The following HORMAD2 variants were observed in gnomAD, a reference collection of about 807,000 sequenced individuals.
HORMAD2 encodes HORMA domain containing 2.
Under a neutral mutation model 38.8 loss-of-function variants are expected in HORMAD2, and 45 were observed. The ratio of observed to expected loss-of-function variants is 1.16; its 90% CI spans 0.91 to 1.49. The LOEUF (loss-of-function observed/expected upper bound fraction) is 1.49. HORMAD2 is among the 40% of genes most tolerant of loss of function. HORMAD2 has a pLI of 0.00. For synonymous variants in HORMAD2, 126 were observed against 122.8 expected, an observed-to-expected ratio of 1.03 and a Z score of -0.17; for missense variants, 338 against 367.0, an observed-to-expected ratio of 0.92 and a Z score of 0.65.
downstream of HORMAD2, among the ~76,000 whole-genome samples, chr22:30,179,464 G>A (rs192109026): frequency 5.1e-4 from 77 of 152,302 alleles, no homozygotes; most frequent in Non-Finnish European, 9.1e-4. Flanking sequence ...AGAGAAGGAG[G>A]ACACCCTTGT....
the HORMAD2 span, among the ~76,000 whole-genome samples, chr22:30,183,710 A>G: frequency 6.6e-6 from 1 of 152,236 alleles, no homozygotes; most frequent in African/African-American, 2.4e-5. Context: ...ATGTAAAAAT[A>G]ATATAAGAAA....
intron 10 of HORMAD2, among the ~76,000 whole-genome samples, chr22:30,151,267 C>A (rs1021753557): frequency 2.6e-5 from 4 of 152,116 alleles, no homozygotes; most frequent in Non-Finnish European, 5.9e-5. Context: ...AAAGAAATGT[C>A]TTTTCCTGTC....
intron 4 of HORMAD2, 87 bp downstream of exon 4, chr22:30,103,587 T>G (rs1424820338): frequency 1.6e-6 from 1 of 615,728 alleles, no homozygotes; most frequent in African/African-American, 2.0e-5. Flanking sequence ...AGTAAGATCA[T>G]TTTTTAAAAA....
intron 10 of HORMAD2, among the ~76,000 whole-genome samples, chr22:30,163,325 A>G (rs1357042561): frequency 6.6e-6 from 1 of 152,160 alleles, no homozygotes; most frequent in Non-Finnish European, 1.5e-5. Context: ...GAAGTTTTTG[A>G]TTATCTGGAT....
intron 6 of HORMAD2, 86 bp downstream of exon 6, chr22:30,111,902 T>G (rs908792662): frequency 1.0e-6 from 1 of 972,586 alleles, no homozygotes; most frequent in Non-Finnish European, 1.5e-6. Context: ...GTACTCTCCC[T>G]CTTCCTCCCT....
intron 1 of HORMAD2, among the ~76,000 whole-genome samples, chr22:30,088,309 A>T (rs566707463): frequency 6.6e-6 from 1 of 151,110 alleles, no homozygotes; most frequent in Admixed American, 6.6e-5. Context: ...ACATATATAC[A>T]TATATGTATA....
At chr22:30,120,545 T>C (rs1922356353) in intron 8 of HORMAD2, among the ~76,000 whole-genome samples, 2 of 152,202 alleles carry the variant, frequency 1.3e-5, no homozygotes, top group African/African-American at 4.8e-5. Flanking sequence ...ACTACTCAAA[T>C]GTGAGACTAA....
intron 10 of HORMAD2, chr22:30,137,551 CAG>C (rs111713094): frequency 6.5e-6 from 1 of 152,676 alleles, no homozygotes; most frequent in Non-Finnish European, 1.5e-5. Context: ...AAGGAAGAGA[CAG>C]AGAGAAATAA....
chr22:30,115,142 TAA>T (rs1326850844), intron 7 of HORMAD2, among the ~76,000 whole-genome samples: 3 of 152,150 alleles, frequency 2.0e-5, no homozygotes, highest in Non-Finnish European at 4.4e-5. Context: ...TTTATTTTTT[TAA>T]GAGACAGGCT....
At chr22:30,108,140 G>T (rs892869465) in intron 5 of HORMAD2, among the ~76,000 whole-genome samples, 1 of 152,040 alleles carries the variant, frequency 6.6e-6, no homozygotes, top group Admixed American at 6.5e-5. Flanking sequence ...GTACATATCA[G>T]TGTTGCAGAT....
chr22:30,122,265 T>C (rs544508760), intron 10 of HORMAD2, 51 bp downstream of exon 10: 3 of 1,530,202 alleles, frequency 2.0e-6, no homozygotes, highest in Non-Finnish European at 2.6e-6. Flanking sequence ...ACACAATTGA[T>C]ATTTTTCAGT....
At position 30,175,144 on chromosome 22, in the gene HORMAD2, G is replaced by A. The variant is rs1023228847; in HGVS notation, c.820-919G>A. On this transcript the variant is annotated intron_variant, in intron 10 of 10. Coordinates refer to ENST00000336726, the MANE Select transcript of HORMAD2 (RefSeq NM_152510.4). ...AATAATAATAACATGCCTCTCCTACGAAGGACAAAAAGGATAATTTTAGAA... is the reference window on the plus strand; with the variant it reads ...AATAATAATAACATGCCTCTCCTACAAAGGACAAAAAGGATAATTTTAGAA... Among the ~76,000 whole-genome samples the A allele has an allele frequency of 8.6e-4, 127 of 147,280 alleles. 1 individual carries two copies. The highest frequency in any genetic ancestry group is 3.0e-3 in the African/African-American group (119 of 40,230).
At chr22:30,090,743 T>C (rs1179033163) in intron 1 of HORMAD2, among the ~76,000 whole-genome samples, 1 of 152,236 alleles carries the variant, frequency 6.6e-6, no homozygotes, top group African/African-American at 2.4e-5. Context: ...AATTTTTAAT[T>C]GACACACAGT....
the HORMAD2 span, among the ~76,000 whole-genome samples, chr22:30,186,085 AT>A: frequency 1.3e-5 from 2 of 152,164 alleles, no homozygotes; most frequent in African/African-American, 2.4e-5. Flanking sequence ...AGTTAACTAA[AT>A]CACTTTAAAA....
chr22:30,113,917 A>G (rs1252716223), intron 7 of HORMAD2, among the ~76,000 whole-genome samples: 1 of 152,130 alleles, frequency 6.6e-6, no homozygotes, highest in Non-Finnish European at 1.5e-5. Flanking sequence ...CTATTGTTTC[A>G]TTTCAAAATG....
intron 1 of HORMAD2, 96 bp from the exon 2 acceptor site, chr22:30,093,820 T>G (rs1347403707): frequency 1.7e-6 from 1 of 575,300 alleles, no homozygotes; most frequent in Non-Finnish European, 3.0e-6. Context: ...AATTTTTTGT[T>G]TGCTTTTAGA....
the HORMAD2 span, among the ~76,000 whole-genome samples, chr22:30,189,625 G>T: frequency 6.6e-6 from 1 of 152,088 alleles, no homozygotes; most frequent in Non-Finnish European, 1.5e-5. Context: ...TACATGGCAC[G>T]TGTACCATGG....
intron 2 of HORMAD2, 136 bp from the exon 3 acceptor site, chr22:30,098,716 T>A (rs1316215492): frequency 1.5e-6 from 1 of 645,652 alleles, no homozygotes; most frequent in African/African-American, 1.9e-5. Flanking sequence ...TTCAAAGCGC[T>A]ATTTCTTTTT....
At chr22:30,086,891 TTC>T (rs1172527012) in intron 1 of HORMAD2, among the ~76,000 whole-genome samples, 3 of 152,150 alleles carry the variant, frequency 2.0e-5, no homozygotes, top group Non-Finnish European at 2.9e-5. Flanking sequence ...ATCTACTGGG[TTC>T]AAGCGATTCT....
Sources: allele counts gnomAD v4.1 joint callset (sites outside exome capture counted in the v4.1 genomes callset), GRCh38; gene constraint gnomAD v4.1.1; transcripts MANE v1.5; gene names NCBI Gene and HGNC (gene_info 2026-07-23, HGNC 2026-07-21).